Variants in WWOX observed in about 807,000 individuals in gnomAD.
WWOX encodes WW domain containing oxidoreductase.
A neutral mutation model predicts 46.2 loss-of-function variants in WWOX; 69 were observed. The observed-to-expected ratio is 1.49, with a 90% CI of 1.23 to 1.82. WWOX has a LOEUF of 1.82. Ranked by LOEUF, WWOX falls within the 40% of genes most tolerant of loss-of-function variation. The pLI, the probability that WWOX is intolerant of heterozygous loss-of-function variation, is 0.00. For synonymous variants in WWOX, 359 were observed against 202.6 expected (o/e 1.77, Z -6.56); for missense variants, 919 against 542.6 (o/e 1.69, Z -6.89).
chr16:78,280,482 T>C (rs2079656826), intron 5 of WWOX, among the ~76,000 whole-genome samples: 1 of 152,192 alleles, frequency 6.6e-6, no homozygotes, highest in Non-Finnish European at 1.5e-5. Flanking sequence ...TGTAAAGAAA[T>C]GCTTGAGACT....
intron 8 of WWOX, among the ~76,000 whole-genome samples, chr16:78,488,798 C>T (rs1438032052): frequency 2.6e-5 from 4 of 152,172 alleles, no homozygotes; most frequent in African/African-American, 9.7e-5. Flanking sequence ...TTGAATAGGT[C>T]TAATGATATC....
At chr16:78,456,595 G>T (rs969736981) in intron 8 of WWOX, among the ~76,000 whole-genome samples, 1 of 152,018 alleles carries the variant, frequency 6.6e-6, no homozygotes, top group African/African-American at 2.4e-5. Flanking sequence ...CTTCTGATGG[G>T]TATGTAGTTC....
chr16:78,782,969 C>G (rs960723736), intron 8 of WWOX, among the ~76,000 whole-genome samples: 2 of 152,152 alleles, frequency 1.3e-5, no homozygotes, highest in Non-Finnish European at 2.9e-5. Flanking sequence ...CATTTCTATG[C>G]CTGCCTGTGA....
chr16:79,089,348 T>C (rs1011639814), intron 8 of WWOX, among the ~76,000 whole-genome samples: 146 of 151,658 alleles, frequency 9.6e-4, no homozygotes, highest in African/African-American at 3.3e-3. Flanking sequence ...TTTTTTTTTT[T>C]TGAGGCAGAG....
intron 8 of WWOX, among the ~76,000 whole-genome samples, chr16:79,207,049 G>C (rs1032855259): frequency 2.0e-5 from 3 of 152,190 alleles, no homozygotes; most frequent in Non-Finnish European, 4.4e-5. Flanking sequence ...TGTTCTGGGA[G>C]AGTGGTTATA....
chr16:78,606,901 A>G (rs2045773545), intron 8 of WWOX, among the ~76,000 whole-genome samples: 1 of 151,992 alleles, frequency 6.6e-6, no homozygotes, highest in South Asian at 2.1e-4. Flanking sequence ...GAGAAAAGAC[A>G]ATTGTCTTTT....
chr16:78,769,030 T>G (rs2049995943), intron 8 of WWOX, among the ~76,000 whole-genome samples: 1 of 152,214 alleles, frequency 6.6e-6, no homozygotes, highest in African/African-American at 2.4e-5. Context: ...AATTTGTTGT[T>G]ATTTTTCTTC....
intron 8 of WWOX, among the ~76,000 whole-genome samples, chr16:78,438,353 G>A (rs115826653): frequency 1.3e-5 from 2 of 151,974 alleles, no homozygotes; most frequent in Non-Finnish European, 2.9e-5. Context: ...TCCAATGCAC[G>A]GTAATGCCCC....
intron 4 of WWOX, among the ~76,000 whole-genome samples, chr16:78,132,777 G>T (rs537688139): frequency 1.3e-5 from 2 of 152,224 alleles, no homozygotes; most frequent in Admixed American, 6.5e-5. Flanking sequence ...CGATTCTCAC[G>T]TGCTGATGGT....
intron 8 of WWOX, among the ~76,000 whole-genome samples, chr16:78,719,971 A>C (rs1041192702): frequency 6.6e-6 from 1 of 152,188 alleles, no homozygotes; most frequent in East Asian, 1.9e-4. Flanking sequence ...GTCTCAATTC[A>C]ATTTAAAGTG....
intron 8 of WWOX, among the ~76,000 whole-genome samples, chr16:78,581,812 G>A (rs878975730): frequency 2.0e-5 from 3 of 152,110 alleles, no homozygotes; most frequent in Admixed American, 6.6e-5. Flanking sequence ...ATACCAACTA[G>A]TAGTGTAAGT....
At chr16:78,633,261 C>G (rs2046483317) in intron 8 of WWOX, among the ~76,000 whole-genome samples, 1 of 152,004 alleles carries the variant, frequency 6.6e-6, no homozygotes, top group Non-Finnish European at 1.5e-5. Flanking sequence ...GATTCCATCT[C>G]AAAACAAAAC....
intron 8 of WWOX, among the ~76,000 whole-genome samples, chr16:78,472,663 G>A (rs946182139): frequency 1.3e-5 from 2 of 151,864 alleles, no homozygotes; most frequent in African/African-American, 2.4e-5. Context: ...ACAAAAATTA[G>A]CCAGGAATGG....
intron 5 of WWOX, among the ~76,000 whole-genome samples, chr16:78,371,217 C>T (rs769026013): frequency 6.6e-6 from 1 of 152,144 alleles, no homozygotes; most frequent in Non-Finnish European, 1.5e-5. Context: ...AAGGTGACAT[C>T]ACTGTACTAA....
intron 8 of WWOX, among the ~76,000 whole-genome samples, chr16:79,208,277 C>T (rs1442552614): frequency 6.6e-6 from 1 of 152,096 alleles, no homozygotes; most frequent in Non-Finnish European, 1.5e-5. Flanking sequence ...CCTGTGTCGT[C>T]AACAACCTAA....
chr16:78,320,585 AC>A (rs1254783599), intron 5 of WWOX, among the ~76,000 whole-genome samples: 127 of 152,342 alleles, frequency 8.3e-4, no homozygotes, highest in Non-Finnish European at 2.8e-4. Flanking sequence ...AAGTCAACTT[AC>A]CTCTTGGCCA....
intron 8 of WWOX, among the ~76,000 whole-genome samples, chr16:78,660,598 T>G (rs2047187254): frequency 6.6e-6 from 1 of 152,118 alleles, no homozygotes. Context: ...CTTGTTTTGC[T>G]TGCCACCAGC....
At chr16:78,552,681 T>G (rs1386695073) in intron 8 of WWOX, 1 of 152,250 alleles carries the variant, frequency 6.6e-6, no homozygotes, top group African/African-American at 2.4e-5. Flanking sequence ...TCTCTGTTAG[T>G]TCTTTCTCCT....
intron 8 of WWOX, among the ~76,000 whole-genome samples, chr16:78,634,421 G>T (rs1382270848): frequency 2.6e-5 from 4 of 152,044 alleles, no homozygotes; most frequent in Non-Finnish European, 5.9e-5. Flanking sequence ...CAAAGTTGTA[G>T]GGACAGCCGG....
Sources: allele counts gnomAD v4.1 joint callset (sites outside exome capture counted in the v4.1 genomes callset), GRCh38; gene constraint gnomAD v4.1.1; transcripts MANE v1.5; gene names NCBI Gene and HGNC (gene_info 2026-07-23, HGNC 2026-07-21).